Variants in CCDC62 observed in about 807,000 individuals in gnomAD.
CCDC62 encodes coiled-coil domain containing 62, also known as coiled-coil domain-containing protein 62.
In CCDC62, 72 loss-of-function variants were observed where a neutral mutation model predicts 80.8. That is an observed-to-expected ratio of 0.89 (90% CI 0.74 to 1.08). The LOEUF is 1.08. Ranked by LOEUF, CCDC62 falls within the 50% of genes least tolerant of loss-of-function variation. CCDC62 has a pLI of 0.00. For missense variants in CCDC62, 704 were observed against 809.4 expected, an observed-to-expected ratio of 0.87 and a Z score of 1.58; for synonymous variants, 286 against 296.5, an observed-to-expected ratio of 0.96 and a Z score of 0.36.
In CCDC62 at chr12:122,806,308, C is replaced by A. The variant is rs1299327240; in HGVS notation, c.1851+13C>A. ...ATTCAATGAAAAGGTTCGTATTTTG[C>A]TTAGACATCCCCAGCTTACTCAAGC... On this transcript the variant is annotated intron_variant, in intron 10 of 12. Coordinates refer to ENST00000253079, the MANE Select transcript of CCDC62 (RefSeq NM_201435.5). The A allele has an allele frequency of 6.3e-7, 1 of 1,597,094 alleles. No homozygotes were observed. The highest frequency in any genetic ancestry group is 8.6e-7 in the Non-Finnish European group (1 of 1,168,706).
At chr12:122,782,116 C>G (rs1165536955) in intron 3 of CCDC62, among the ~76,000 whole-genome samples, 2 of 151,900 alleles carry the variant, frequency 1.3e-5, no homozygotes, top group East Asian at 3.9e-4. Flanking sequence ...AGAAACATTG[C>G]TTGGGCCCAG....
intron 10 of CCDC62, among the ~76,000 whole-genome samples, chr12:122,811,820 G>GA (rs1389100643): frequency 5.4e-5 from 2 of 36,986 alleles, no homozygotes; most frequent in Non-Finnish European, 8.6e-5. Flanking sequence ...GACTCCATCT[G>GA]CAAAAAAAAA....
intron 6 of CCDC62, among the ~76,000 whole-genome samples, chr12:122,795,674 T>G (rs1225154058): frequency 6.6e-6 from 1 of 152,188 alleles, no homozygotes; most frequent in Admixed American, 6.5e-5. Flanking sequence ...TCTGCCCACC[T>G]TGGCCTCCCA....
At chr12:122,810,147 A>G (rs1330471951) in intron 10 of CCDC62, among the ~76,000 whole-genome samples, 1 of 152,020 alleles carries the variant, frequency 6.6e-6, no homozygotes, top group Non-Finnish European at 1.5e-5. Flanking sequence ...AGCAATGGCA[A>G]CAAAAGCCAA....
intron 3 of CCDC62, among the ~76,000 whole-genome samples, chr12:122,784,249 G>A (rs1297732229): frequency 1.3e-5 from 2 of 152,144 alleles, no homozygotes; most frequent in African/African-American, 2.4e-5. Context: ...GAGGCCGGGC[G>A]CGGTGGCTCA....
Position 122,826,633 on chromosome 12 carries a change from T to TTA in CCDC62, c.*254_*255dup. On this transcript the variant is annotated 3_prime_UTR_variant, in exon 13 of 13. Coordinates refer to ENST00000253079, the MANE Select transcript of CCDC62 (RefSeq NM_201435.5). ...ATTTTCATGTGTAAGAAAGTAGACC[T>TTA]TATTGTACATATAGAAAGTTGGAAT... The TTA allele has an allele frequency of 2.0e-6, 1 of 499,802 alleles. No individual in the cohort carries two copies. Among genetic ancestry groups the TTA allele is most frequent in the South Asian group, 3.7e-5 (1 of 26,690 alleles). 31.0% of individuals were successfully genotyped at this position (499,802 alleles called of 1,614,324 possible).
At chr12:122,797,450 C>A in intron 7 of CCDC62, 55 bp downstream of exon 7, 2 of 987,194 alleles carry the variant, frequency 2.0e-6, no homozygotes, top group Non-Finnish European at 3.2e-6. Flanking sequence ...AAACAAATAG[C>A]AAATTAGGAA....
At chr12:122,777,404 G>T (rs1879529043) in intron 1 of CCDC62, 87 bp from the exon 2 acceptor site, 5 of 1,134,908 alleles carry the variant, frequency 4.4e-6, no homozygotes, top group Admixed American at 2.6e-5. Flanking sequence ...GGCCGCAAAA[G>T]AAGATATACT....
intron 10 of CCDC62, among the ~76,000 whole-genome samples, chr12:122,812,963 C>T (rs146887536): frequency 3.3e-5 from 5 of 151,764 alleles, no homozygotes; most frequent in Non-Finnish European, 5.9e-5. Flanking sequence ...TTTGGGAGGC[C>T]GAGGCAGGAG....
chr12:122,805,774 TGCTGG>T (rs1381079626), intron 9 of CCDC62, among the ~76,000 whole-genome samples: 1 of 152,028 alleles, frequency 6.6e-6, no homozygotes, highest in East Asian at 1.9e-4. Context: ...CCTCCCAAAG[TGCTGG>T]GATTACAGGT....
rs539755705 is a variant in CCDC62, at chr12:122,800,350, G to A, written c.978-774G>A. On this transcript the variant is annotated intron_variant, in intron 8 of 12. Coordinates refer to ENST00000253079, the MANE Select transcript of CCDC62 (RefSeq NM_201435.5). ...AATTGCAGTGCTTTCGGAAGCTAAGGCAGGAGGATTGCTTGAGGCCAGGAG... is the reference window on the plus strand; with the variant it reads ...AATTGCAGTGCTTTCGGAAGCTAAGACAGGAGGATTGCTTGAGGCCAGGAG... Among the ~76,000 whole-genome samples, 335 of 151,626 alleles carry A rather than the reference G, an allele frequency of 2.2e-3. 4 individuals carry two copies. The highest frequency in any genetic ancestry group is 1.3e-3 in the South Asian group (6 of 4,784).
intron 11 of CCDC62, among the ~76,000 whole-genome samples, chr12:122,815,600 C>T (rs1417160348): frequency 6.6e-6 from 1 of 152,128 alleles, no homozygotes; most frequent in Non-Finnish European, 1.5e-5. Flanking sequence ...GCGCCCGCCA[C>T]CACACCCGGC....
intron 3 of CCDC62, among the ~76,000 whole-genome samples, chr12:122,784,305 G>A (rs915751169): frequency 6.6e-6 from 1 of 151,908 alleles, no homozygotes; most frequent in Admixed American, 6.6e-5. Flanking sequence ...GGTGGATCAC[G>A]AGGTCAGGAG....
intron 11 of CCDC62, among the ~76,000 whole-genome samples, chr12:122,821,186 A>C (rs1334121317): frequency 6.6e-6 from 1 of 152,068 alleles, no homozygotes; most frequent in Admixed American, 6.6e-5. Flanking sequence ...TTAACTACTG[A>C]CCACTGTTTT....
intron 4 of CCDC62, among the ~76,000 whole-genome samples, chr12:122,786,058 T>C (rs2030199764): frequency 6.6e-6 from 1 of 152,244 alleles, no homozygotes; most frequent in Non-Finnish European, 1.5e-5. Context: ...TTCTGTGGGC[T>C]GGCAGGTCTG....
In CCDC62 at chr12:122,780,188, G is replaced by A. The variant is rs543342053; in HGVS notation, c.230-976G>A. Among the ~76,000 whole-genome samples, 468 of 151,268 alleles carry A rather than the reference G, an allele frequency of 3.1e-3. 4 individuals carry two copies. The highest frequency in any genetic ancestry group is 0.011 in the African/African-American group (441 of 41,148). ...TAGCCAGACATGGTGGTGCTCGCCCGTAATCCCAGCTACTTGGGAGGCTGA... is the reference window on the plus strand; with the variant it reads ...TAGCCAGACATGGTGGTGCTCGCCCATAATCCCAGCTACTTGGGAGGCTGA... On this transcript the variant is annotated intron_variant, in intron 2 of 12. Coordinates refer to ENST00000253079, the MANE Select transcript of CCDC62 (RefSeq NM_201435.5).
At chr12:122,812,817 A>AAGAAAGAAAGAAAGAG (rs1566086804) in intron 10 of CCDC62, among the ~76,000 whole-genome samples, 13 of 149,862 alleles carry the variant, frequency 8.7e-5, no homozygotes, top group African/African-American at 3.0e-4. Flanking sequence ...GAAAGAAAGA[A>AAGAAAGAAAGAAAGAG]AGAAAGAAAG....
At position 122,806,252 on chromosome 12, in the gene CCDC62, C is replaced by A. The variant is rs761755699; in HGVS notation, c.1808C>A (p.Thr603Lys). 1 of 1,613,268 alleles carries A rather than the reference C, an allele frequency of 6.2e-7. No homozygotes were observed. The highest frequency in any genetic ancestry group is 2.2e-5 in the East Asian group (1 of 44,858). ...ESSSNKKNSPTSLLIYKDAPA... is the reference protein window; with the variant it reads ...ESSSNKKNSPKSLLIYKDAPA... ...TCTTCCAATAAAAAGAACTCACCTA[C>A]GAGTTTGTTAATCTACAAAGATGCA... is the stretch of plus-strand genomic sequence containing the variant. Residue 603 changes from threonine to lysine, a missense_variant, in exon 10 of 13, where the codon ACG becomes AAG. Coordinates refer to ENST00000253079, the MANE Select transcript of CCDC62 (RefSeq NM_201435.5).
intron 11 of CCDC62, among the ~76,000 whole-genome samples, chr12:122,822,854 C>T (rs777432049): frequency 8.5e-5 from 13 of 152,168 alleles, no homozygotes; most frequent in Admixed American, 5.2e-4. Flanking sequence ...GTATATACTA[C>T]GTTTTCCTGA....
Sources: allele counts gnomAD v4.1 joint callset (sites outside exome capture counted in the v4.1 genomes callset), GRCh38; gene constraint gnomAD v4.1.1; transcripts MANE v1.5; gene names NCBI Gene and HGNC (gene_info 2026-07-23, HGNC 2026-07-21).